The following FSD2 variants were observed in gnomAD, a reference collection of about 807,000 sequenced individuals.
The protein encoded by FSD2 is fibronectin type III and SPRY domain containing 2.
FSD2 carries 71 observed loss-of-function variants against 80.4 expected under a neutral mutation model. The observed-to-expected ratio is 0.88, with a 90% CI of 0.73 to 1.08. The LOEUF is 1.08. Among genes scored for constraint, FSD2 ranks in the 50% least tolerant of loss-of-function variants. The pLI is 0.00. For missense variants in FSD2, 923 were observed against 913.8 expected (o/e 1.01, Z -0.13); for synonymous variants, 361 against 329.5 (o/e 1.10, Z -1.03).
intron 11 of FSD2, among the ~76,000 whole-genome samples, chr15:82,763,516 C>T (rs1423151207): frequency 6.6e-6 from 1 of 152,178 alleles, no homozygotes; most frequent in Admixed American, 6.5e-5. Flanking sequence ...ATAAATATGG[C>T]AATATGATAG....
chr15:82,802,389 C>G (rs1306432224), intron 1 of FSD2, among the ~76,000 whole-genome samples: 1 of 152,228 alleles, frequency 6.6e-6, no homozygotes, highest in Non-Finnish European at 1.5e-5. Flanking sequence ...TTTGCCTCCT[C>G]TCTCATCCTG....
At chr15:82,803,294 T>G (rs908180092) in intron 1 of FSD2, among the ~76,000 whole-genome samples, 1 of 152,166 alleles carries the variant, frequency 6.6e-6, no homozygotes, top group Non-Finnish European at 1.5e-5. Flanking sequence ...CTGCCCAGGA[T>G]AGCAGCATAG....
intron 4 of FSD2, among the ~76,000 whole-genome samples, chr15:82,782,104 T>TAATAAAAAA (rs749972634): frequency 3.3e-4 from 39 of 118,904 alleles, no homozygotes; most frequent in African/African-American, 1.1e-3. Flanking sequence ...ATAATAATAA[T>TAATAAAAAA]AAAACTCTTG....
At chr15:82,770,259 G>A (rs1444122710) in intron 7 of FSD2, among the ~76,000 whole-genome samples, 2 of 152,218 alleles carry the variant, frequency 1.3e-5, no homozygotes, top group African/African-American at 4.8e-5. Flanking sequence ...AGAGACCCCA[G>A]CTGCCCAAGT....
At chr15:82,765,325 C>T (rs1366741976) in intron 10 of FSD2, 27 bp from the exon 11 acceptor site, 2 of 1,612,468 alleles carry the variant, frequency 1.2e-6, no homozygotes, top group African/African-American at 1.3e-5. Flanking sequence ...ACACAGAAGA[C>T]CCGCAGCCAA....
At chr15:82,800,090 A>G (rs1263330314) in intron 1 of FSD2, among the ~76,000 whole-genome samples, 1 of 152,066 alleles carries the variant, frequency 6.6e-6, no homozygotes, top group African/African-American at 2.4e-5. Context: ...CAAGTTACCC[A>G]TGGCCTCGGG....
intron 12 of FSD2, among the ~76,000 whole-genome samples, chr15:82,761,090 C>T (rs1222084542): frequency 3.3e-5 from 5 of 152,148 alleles, no homozygotes; most frequent in Non-Finnish European, 7.3e-5. Context: ...CATCTGTTAT[C>T]GGAGGGGAAG....
At position 82,757,858 on chromosome 15, in the gene FSD2, T is replaced by C. The variant is rs562654093; in HGVS notation, c.*1490A>G. On this transcript the variant is annotated 3_prime_UTR_variant, in exon 13 of 13. Coordinates refer to ENST00000334574, the MANE Select transcript of FSD2 (RefSeq NM_001007122.4). Reference sequence around the variant, plus strand: ...AGAGTTTAGTAGGAGATGAGAGTCTTTCAGTTTGTCAGACTTTGCAGGTGC... The same window carrying C: ...AGAGTTTAGTAGGAGATGAGAGTCTCTCAGTTTGTCAGACTTTGCAGGTGC... The C allele has an allele frequency of 6.6e-6, 1 of 152,348 alleles. No homozygotes were observed. Among genetic ancestry groups the C allele is most frequent in the South Asian group, 2.1e-4 (1 of 4,842 alleles). The allele number at this position is 152,348 out of a possible 1,614,324, so 9.4% of individuals were successfully genotyped here. A position where few individuals can be genotyped will look rare whatever the true frequency, so the allele number is the denominator to read the frequency against.
intron 6 of FSD2, among the ~76,000 whole-genome samples, chr15:82,775,984 G>T (rs547648367): frequency 3.9e-5 from 6 of 152,068 alleles, no homozygotes; most frequent in Non-Finnish European, 7.4e-5. Context: ...ATACCACTGT[G>T]GTCATAAAAG....
At chr15:82,781,327 C>A (rs1049480547) in intron 4 of FSD2, among the ~76,000 whole-genome samples, 4 of 152,200 alleles carry the variant, frequency 2.6e-5, no homozygotes, top group Non-Finnish European at 5.9e-5. Context: ...ATGGTTCTTG[C>A]AGTGCCTGCC....
At chr15:82,784,653 T>A (rs1391230508) in intron 3 of FSD2, among the ~76,000 whole-genome samples, 1 of 152,166 alleles carries the variant, frequency 6.6e-6, no homozygotes, top group Non-Finnish European at 1.5e-5. Flanking sequence ...CCATGGGGGA[T>A]TAGTGCAATA....
intron 11 of FSD2, among the ~76,000 whole-genome samples, chr15:82,764,492 C>CTTTTTTTTTTT (rs60095355): frequency 0.01 from 873 of 86,036 alleles, 116 homozygotes; most frequent in South Asian, 0.052. Context: ...TCTTTACTTG[C>CTTTTTTTTTTT]TTTTTTTTTT....
rs930478792 is a variant in FSD2 at position 82,755,479 on chromosome 15, A to G, written c.*3869T>C. 1 of 152,174 alleles carries G rather than the reference A, an allele frequency of 6.6e-6. No homozygotes were observed. Among genetic ancestry groups the G allele is most frequent in the African/African-American group, 2.4e-5 (1 of 41,446 alleles). 9.4% of individuals were successfully genotyped at this position (152,174 alleles called of 1,614,324 possible). ...GATAGTTTAATTCCTCCAGGATTTGAGTAAGGTGAAAATAGAGCTAAAAAC... is the reference window on the plus strand; with the variant it reads ...GATAGTTTAATTCCTCCAGGATTTGGGTAAGGTGAAAATAGAGCTAAAAAC... On this transcript the variant is annotated 3_prime_UTR_variant, in exon 13 of 13. Coordinates refer to ENST00000334574, the MANE Select transcript of FSD2 (RefSeq NM_001007122.4).
rs1287220570 is a variant in FSD2, at chr15:82,766,990, C to T, written c.1554-959G>A. Among the ~76,000 whole-genome samples, 4 of 152,324 alleles carry T rather than the reference C, an allele frequency of 2.6e-5. No homozygotes were observed. In the East Asian group the frequency reaches 7.7e-4, roughly 29 times the overall value. On this transcript the variant is annotated intron_variant, in intron 9 of 12. Transcript: ENST00000334574. ...TGCCCATTTACCAATACAACACCCTCACCCAGATGAGGCCAAGTTGTCCAG... is the reference window on the plus strand; with the variant it reads ...TGCCCATTTACCAATACAACACCCTTACCCAGATGAGGCCAAGTTGTCCAG...
Position 82,782,901 on chromosome 15 carries a change from G to A in FSD2, c.860C>T (p.Ala287Val), listed in dbSNP as rs1596248804. ...LGEKKKEKLE[A>V]LYGQLVSCGE... The stretch of plus-strand genomic sequence containing the variant: ...ACAGCTGACCAGTTGTCCATATAAG[G>A]CTTCCAGCTTCTCTTTCTTTTTCTC... Residue 287 changes from alanine to valine, a missense_variant, in exon 4 of 13, where the codon GCC becomes GTC. Coordinates refer to ENST00000334574, the MANE Select transcript of FSD2 (RefSeq NM_001007122.4). 6.2e-7 allele frequency: 1 copy of A among 1,613,522 alleles called. No individual in the cohort carries two copies. The highest frequency in any genetic ancestry group is 1.1e-5 in the South Asian group (1 of 91,062).
intron 12 of FSD2, among the ~76,000 whole-genome samples, chr15:82,760,919 T>C (rs777276875): frequency 5.9e-5 from 9 of 152,190 alleles, no homozygotes; most frequent in Non-Finnish European, 8.8e-5. Context: ...TATGCTCCCT[T>C]AGTTTTACTC....
chr15:82,772,138 G>C lies in FSD2; in HGVS notation c.1202C>G (p.Thr401Ser). ...RVCWSLYSDDTVESYQLSYRP... is the reference protein window; with the variant it reads ...RVCWSLYSDDSVESYQLSYRP... Reference sequence around the variant, plus strand: ...GTAGGACAGCTGATAGCTCTCCACAGTGTCGTCGGAGTATAAGCTCCAGCA... The same window carrying C: ...GTAGGACAGCTGATAGCTCTCCACACTGTCGTCGGAGTATAAGCTCCAGCA... The change falls in exon 7 of 13, where the codon ACT becomes AGT. Residue 401 changes from threonine to serine, a missense_variant. Coordinates refer to ENST00000334574, the MANE Select transcript of FSD2 (RefSeq NM_001007122.4). 1 of 1,610,630 alleles carries C rather than the reference G, an allele frequency of 6.2e-7. No individual in the cohort carries two copies. Among genetic ancestry groups the C allele is most frequent in the Non-Finnish European group, 8.5e-7 (1 of 1,178,690 alleles).
intron 12 of FSD2, 95 bp downstream of exon 12, chr15:82,762,007 A>T (rs1222574332): frequency 9.2e-7 from 1 of 1,082,242 alleles, no homozygotes; most frequent in Non-Finnish European, 1.3e-6. Context: ...ATATTTGTAA[A>T]ATATAACGTG....
At chr15:82,791,397 G>T (rs1208102060) in intron 1 of FSD2, among the ~76,000 whole-genome samples, 1 of 151,418 alleles carries the variant, frequency 6.6e-6, no homozygotes, top group Non-Finnish European at 1.5e-5. Context: ...TTGAGACATG[G>T]TCTCCCTCTG....
Sources: allele counts gnomAD v4.1 joint callset (sites outside exome capture counted in the v4.1 genomes callset), GRCh38; gene constraint gnomAD v4.1.1; transcripts MANE v1.5; gene names NCBI Gene and HGNC (gene_info 2026-07-23, HGNC 2026-07-21).